VPS13B: variants seen among roughly 807,000 people sequenced by gnomAD.
VPS13B encodes intermembrane lipid transfer protein VPS13B.
In VPS13B, 285 loss-of-function variants were observed where a neutral mutation model predicts 426.4. That is an observed-to-expected ratio of 0.67 (90% CI 0.61 to 0.74). The LOEUF (loss-of-function observed/expected upper bound fraction) is 0.74. VPS13B is among the 30% of genes least tolerant of loss of function. The pLI, the probability that VPS13B is intolerant of heterozygous loss-of-function variation, is 0.00. For missense variants in VPS13B, 4,537 were observed against 4,782.6 expected (o/e 0.95, Z 1.51); for synonymous variants, 1,676 against 1,676.4 (o/e 1.00, Z 0.01).
chr8:99,609,851 T>G (rs1219477421), intron 33 of VPS13B, among the ~76,000 whole-genome samples: 6 of 152,244 alleles, frequency 3.9e-5, no homozygotes, highest in Admixed American at 3.9e-4. Context: ...CTGCCTGGAT[T>G]CATGCTAAGG....
At chr8:99,577,724 T>A (rs1435584724) in intron 33 of VPS13B, 91 bp downstream of exon 33, 9 of 1,439,990 alleles carry the variant, frequency 6.3e-6, no homozygotes, top group Non-Finnish European at 8.7e-6. Flanking sequence ...GACTGCTTTC[T>A]GCTTAATTAT....
At chr8:99,798,951 G>C (rs535075470) in intron 43 of VPS13B, 1 of 152,180 alleles carries the variant, frequency 6.6e-6, no homozygotes, top group Admixed American at 6.6e-5. Context: ...TACTGATTAA[G>C]AATGTTATAA....
intron 35 of VPS13B, among the ~76,000 whole-genome samples, chr8:99,694,834 T>G (rs1460679191): frequency 1.3e-5 from 2 of 152,030 alleles, no homozygotes; most frequent in Non-Finnish European, 2.9e-5. Context: ...CTACAATGAA[T>G]TCAAACAAAT....
chr8:99,844,913 C>G (rs79826335), intron 54 of VPS13B, among the ~76,000 whole-genome samples: 2 of 152,152 alleles, frequency 1.3e-5, no homozygotes, highest in Non-Finnish European at 2.9e-5. Context: ...TAAAACAAAA[C>G]GTAATGTTCC....
intron 39 of VPS13B, among the ~76,000 whole-genome samples, chr8:99,721,381 G>A (rs984258807): frequency 1.3e-5 from 2 of 152,136 alleles, no homozygotes; most frequent in African/African-American, 4.8e-5. Context: ...ACACTCTTCA[G>A]AGTTTCTAGA....
At chr8:99,626,880 C>T (rs1828636956) in intron 33 of VPS13B, among the ~76,000 whole-genome samples, 1 of 152,140 alleles carries the variant, frequency 6.6e-6, no homozygotes, top group Non-Finnish European at 1.5e-5. Context: ...AAGTGTTTAT[C>T]AACAGATGAA....
chr8:99,092,850 A>T (rs1279711341), intron 3 of VPS13B, among the ~76,000 whole-genome samples: 1 of 151,968 alleles, frequency 6.6e-6, no homozygotes, highest in African/African-American at 2.4e-5. Context: ...AGTTTTTAAA[A>T]TAAATTTTGT....
chr8:99,366,407 G>A (rs907429539), intron 19 of VPS13B, among the ~76,000 whole-genome samples: 1 of 151,690 alleles, frequency 6.6e-6, no homozygotes, highest in Non-Finnish European at 1.5e-5. Flanking sequence ...AGCTACTCCC[G>A]CACTTTTTTG....
chr8:99,438,077 G>GAA (rs1347695518), intron 22 of VPS13B, among the ~76,000 whole-genome samples: 1 of 137,724 alleles, frequency 7.3e-6, no homozygotes, highest in Admixed American at 7.7e-5. Flanking sequence ...TTTTCTGAGT[G>GAA]GACTGAAGTC....
At chr8:99,273,373 G>A (rs976128795) in intron 17 of VPS13B, among the ~76,000 whole-genome samples, 2 of 151,220 alleles carry the variant, frequency 1.3e-5, no homozygotes, top group Admixed American at 6.6e-5. Flanking sequence ...TCACCATGTT[G>A]ACCAGGATGG....
chr8:99,131,348 A>G (rs1238143884), intron 8 of VPS13B, among the ~76,000 whole-genome samples: 1 of 152,220 alleles, frequency 6.6e-6, no homozygotes, highest in Admixed American at 6.5e-5. Flanking sequence ...ACCATGTTGC[A>G]TTTAGAATAG....
At chr8:99,256,460 G>A (rs1158055279) in intron 17 of VPS13B, among the ~76,000 whole-genome samples, 1 of 152,064 alleles carries the variant, frequency 6.6e-6, no homozygotes, top group Non-Finnish European at 1.5e-5. Context: ...TTAATTTCTT[G>A]AGGAATCGCG....
At chr8:99,059,481 T>G (rs764009715) in intron 3 of VPS13B, among the ~76,000 whole-genome samples, 7 of 152,024 alleles carry the variant, frequency 4.6e-5, no homozygotes, top group African/African-American at 1.4e-4. Context: ...CAGCCTCTTT[T>G]TGGAGTTTTA....
intron 20 of VPS13B, among the ~76,000 whole-genome samples, chr8:99,390,930 A>G (rs923940292): frequency 2.0e-5 from 3 of 152,154 alleles, no homozygotes; most frequent in Admixed American, 6.5e-5. Context: ...CATGCATTCA[A>G]TAGAGGATCA....
intron 20 of VPS13B, among the ~76,000 whole-genome samples, chr8:99,391,071 G>A (rs934011101): frequency 2.0e-5 from 3 of 152,046 alleles, no homozygotes; most frequent in African/African-American, 4.8e-5. Context: ...ATATTAACAT[G>A]TACATAATCA....
chr8:99,376,337 C>T (rs942877191), intron 19 of VPS13B, among the ~76,000 whole-genome samples: 1 of 152,130 alleles, frequency 6.6e-6, no homozygotes, highest in African/African-American at 2.4e-5. Context: ...AAATCTCTCT[C>T]TAAATTAAAG....
chr8:99,791,197 T>C (rs1812520155), intron 43 of VPS13B, among the ~76,000 whole-genome samples: 1 of 152,258 alleles, frequency 6.6e-6, no homozygotes, highest in South Asian at 2.1e-4. Context: ...AGAAGAGATA[T>C]GTGCTGGTCC....
chr8:99,831,573 A>C (rs1387590829), intron 51 of VPS13B, among the ~76,000 whole-genome samples: 1 of 152,240 alleles, frequency 6.6e-6, no homozygotes, highest in African/African-American at 2.4e-5. Flanking sequence ...CTTACAATGC[A>C]TTGTGGTAAA....
intron 21 of VPS13B, among the ~76,000 whole-genome samples, chr8:99,421,610 C>T (rs1816380829): frequency 1.3e-5 from 2 of 151,984 alleles, no homozygotes; most frequent in Non-Finnish European, 2.9e-5. Flanking sequence ...CATCAGTTTC[C>T]CTATCTAAAA....
Sources: gnomAD v4.1 joint callset for allele counts (sites outside exome capture counted in the v4.1 genomes callset) on GRCh38, gnomAD v4.1.1 for gene constraint, MANE v1.5 for transcripts, NCBI Gene and HGNC (gene_info 2026-07-23, HGNC 2026-07-21) for gene names.